The following EIF2AK2 variants were observed in gnomAD, a reference collection of about 807,000 sequenced individuals.
The protein encoded by EIF2AK2 is interferon-induced, double-stranded RNA-activated protein kinase.
In EIF2AK2, 40 loss-of-function variants were observed where a neutral mutation model predicts 70.5. The ratio of observed to expected loss-of-function variants is 0.57; its 90% CI spans 0.44 to 0.74. The LOEUF is 0.74. Ranked by LOEUF, EIF2AK2 falls within the 30% of genes least tolerant of loss-of-function variation. The probability of loss-of-function intolerance (pLI) is 0.00; values close to 1 mark genes in which losing one functional copy is unlikely to be tolerated. For synonymous variants in EIF2AK2, 198 were observed against 220.9 expected (o/e 0.90, Z 0.92); for missense variants, 555 against 644.3 (o/e 0.86, Z 1.50).
intron 15 of EIF2AK2, 83 bp downstream of exon 15, chr2:37,109,111 G>A: frequency 1.6e-6 from 2 of 1,227,418 alleles, no homozygotes; most frequent in South Asian, 1.3e-5. Flanking sequence ...CCTCACGTGA[G>A]GGCAAGAACT....
intron 12 of EIF2AK2, among the ~76,000 whole-genome samples, chr2:37,121,502 C>CTAAT: frequency 6.6e-6 from 1 of 151,608 alleles, no homozygotes; most frequent in Admixed American, 6.6e-5. Context: ...TCCTTGCCGT[C>CTAAT]ACGGGGATAA....
chr2:37,156,917 C>T lies in EIF2AK2; in HGVS notation c.-193G>A, dbSNP rs928910995. ...CCCCTGCCCTGCTCACCTGCGCCGC[C>T]GCCGCCGCCGCCGCCGCCGCCGGCC... On this transcript the variant is annotated 5_prime_UTR_variant, in exon 1 of 17. Coordinates refer to ENST00000233057, the MANE Select transcript of EIF2AK2 (RefSeq NM_001135651.3). The T allele has an allele frequency of 2.3e-4, 37 of 158,542 alleles. No individual in the cohort carries two copies. The highest frequency in any genetic ancestry group is 1.8e-3 in the Admixed American group (23 of 13,100). The allele number at this position is 158,542 out of a possible 1,614,324, so 9.8% of individuals were successfully genotyped here.
chr2:37,112,463 G>T (rs1017577101), intron 14 of EIF2AK2, among the ~76,000 whole-genome samples: 2 of 152,162 alleles, frequency 1.3e-5, no homozygotes, highest in African/African-American at 4.8e-5. Flanking sequence ...CCTCAAATTT[G>T]ATGCAATTGC....
chr2:37,107,682 C>T (rs926101727), intron 15 of EIF2AK2, among the ~76,000 whole-genome samples, 155 bp from the exon 16 acceptor site: 2 of 151,384 alleles, frequency 1.3e-5, no homozygotes, highest in African/African-American at 4.9e-5. Context: ...CTCTCTCCTA[C>T]ACTACCCCCA....
At chr2:37,132,896 C>T (rs186785799) in intron 10 of EIF2AK2, among the ~76,000 whole-genome samples, 4 of 152,298 alleles carry the variant, frequency 2.6e-5, no homozygotes, top group Admixed American at 2.6e-4. Flanking sequence ...TGGTTGATAC[C>T]TTTTCGGCAT....
At position 37,102,627 on chromosome 2, in the gene EIF2AK2, A is replaced by G. The variant is rs1488892692; in HGVS notation, c.*4646T>C. ...ATATAAAATACATATTCATACACAT[A>G]TGTGCACACACACAGGATGGCTTCA... On this transcript the variant is annotated 3_prime_UTR_variant, in exon 17 of 17. Transcript: ENST00000233057. 4 of 152,178 alleles carry G rather than the reference A, an allele frequency of 2.6e-5. No individual in the cohort carries two copies. Among genetic ancestry groups the G allele is most frequent in the Non-Finnish European group, 5.9e-5 (4 of 68,030 alleles). 9.4% of individuals were successfully genotyped at this position (152,178 alleles called of 1,614,324 possible).
chr2:37,136,345 C>T (rs2148697951), intron 9 of EIF2AK2, among the ~76,000 whole-genome samples: 1 of 152,310 alleles, frequency 6.6e-6, no homozygotes, highest in South Asian at 2.1e-4. Context: ...AACCTATTCC[C>T]TCAAGTCATG....
intron 4 of EIF2AK2, 148 bp downstream of exon 4, chr2:37,146,705 T>G (rs1165450418): frequency 8.3e-6 from 8 of 965,912 alleles, no homozygotes; most frequent in Middle Eastern, 3.2e-4. Flanking sequence ...TTCATAGAAA[T>G]GAAGATAGGG....
chr2:37,156,400 G>A (rs1294560052), intron 1 of EIF2AK2, among the ~76,000 whole-genome samples: 1 of 152,178 alleles, frequency 6.6e-6, no homozygotes, highest in Non-Finnish European at 1.5e-5. Context: ...AAGAGGTAGG[G>A]GGTGGAGGTT....
intron 6 of EIF2AK2, 79 bp from the exon 7 acceptor site, chr2:37,138,664 CACATTTATTTCA>C: frequency 8.3e-7 from 1 of 1,205,236 alleles, no homozygotes. Context: ...TATGTACTAT[CACATTTATTTCA>C]ACACATTTAC....
intron 10 of EIF2AK2, among the ~76,000 whole-genome samples, chr2:37,132,746 C>T (rs148751613): frequency 6.6e-6 from 1 of 152,192 alleles, no homozygotes; most frequent in Non-Finnish European, 1.5e-5. Context: ...GCTCTATTTG[C>T]CAGAAAGCTT....
chr2:37,139,264 G>T (rs1205342680), intron 6 of EIF2AK2, among the ~76,000 whole-genome samples: 1 of 149,650 alleles, frequency 6.7e-6, no homozygotes, highest in Admixed American at 6.7e-5. Context: ...GCAGTGAGCC[G>T]AGATCGTGCC....
chr2:37,148,450 A>G (rs948398207), intron 2 of EIF2AK2: 20 of 406,694 alleles, frequency 4.9e-5, no homozygotes, highest in Middle Eastern at 6.5e-4. Context: ...CAGGCGGAGG[A>G]GAGCTCAAGC....
chr2:37,153,337 C>CTCTTTT (rs777537067), intron 1 of EIF2AK2, among the ~76,000 whole-genome samples: 3,293 of 109,596 alleles, frequency 0.03, 268 homozygotes, highest in Middle Eastern at 0.044. Context: ...CTCTGCTAAT[C>CTCTTTT]TTTTTTTTTT....
At chr2:37,116,355 G>A (rs879344161) in intron 13 of EIF2AK2, among the ~76,000 whole-genome samples, 8 of 152,068 alleles carry the variant, frequency 5.3e-5, no homozygotes, top group Non-Finnish European at 1.2e-4. Context: ...AAGTAGCTGG[G>A]ACCACAGGCC....
In EIF2AK2 at chr2:37,134,318, G is replaced by C. The variant is rs1353859468; in HGVS notation, c.785+1166C>G. Among the ~76,000 whole-genome samples, 3 of 152,238 alleles carry C rather than the reference G, an allele frequency of 2.0e-5. No homozygotes were observed. The East Asian group carries it at 5.8e-4, about 29-fold the overall frequency. On this transcript the variant is annotated intron_variant, in intron 10 of 16. Coordinates refer to ENST00000233057, the MANE Select transcript of EIF2AK2 (RefSeq NM_001135651.3). ...TAAACACACCCCACTTTTACAACAAGCCTCACTTTGCTTTTCAGCCTCTGA... is the reference window on the plus strand; with the variant it reads ...TAAACACACCCCACTTTTACAACAACCCTCACTTTGCTTTTCAGCCTCTGA...
At chr2:37,121,575 G>GTA (rs1674551971) in intron 12 of EIF2AK2, among the ~76,000 whole-genome samples, 1 of 148,224 alleles carries the variant, frequency 6.7e-6, no homozygotes, top group Non-Finnish European at 1.5e-5. Context: ...TACTCTAAGA[G>GTA]AAGTGCCAAC....
chr2:37,107,410 A>G lies in EIF2AK2; in HGVS notation c.1534-15T>C, dbSNP rs1558405281. On this transcript the variant is annotated splice_polypyrimidine_tract_variant and intron_variant, in intron 16 of 16. Coordinates refer to ENST00000233057, the MANE Select transcript of EIF2AK2 (RefSeq NM_001135651.3). ...AGAAGAGTTTTCTGCAATGACAGTG[A>G]GAGTCAATAGTAAGAAATAAAACAT... The G allele has an allele frequency of 1.9e-6, 3 of 1,611,314 alleles. No individual in the cohort carries two copies. The highest frequency in any genetic ancestry group is 2.2e-5 in the South Asian group (2 of 90,168).
At chr2:37,145,030 A>T (rs1430930183) in intron 4 of EIF2AK2, among the ~76,000 whole-genome samples, 3 of 149,552 alleles carry the variant, frequency 2.0e-5, no homozygotes, top group East Asian at 3.9e-4. Flanking sequence ...TTTAAAAGTT[A>T]AAAAAAAAAG....
Sources: gnomAD v4.1 joint callset for allele counts (sites outside exome capture counted in the v4.1 genomes callset) on GRCh38, gnomAD v4.1.1 for gene constraint, MANE v1.5 for transcripts, NCBI Gene and HGNC (gene_info 2026-07-23, HGNC 2026-07-21) for gene names.